The following PTBP2 variants were observed in gnomAD, a reference collection of about 807,000 sequenced individuals.
PTBP2 encodes the protein polypyrimidine tract binding protein 2, also known as polypyrimidine tract-binding protein 2.
Under a neutral mutation model 61.4 loss-of-function variants are expected in PTBP2, and 13 were observed. The observed-to-expected ratio is 0.21, with a 90% confidence interval of 0.14 to 0.34. The LOEUF (loss-of-function observed/expected upper bound fraction) is 0.34. PTBP2 is among the 10% of genes least tolerant of loss of function. The pLI is 1.00. For synonymous variants in PTBP2, 215 were observed against 218.5 expected (o/e 0.98, Z 0.14); for missense variants, 405 against 642.6 (o/e 0.63, Z 4.00).
At chr1:96,722,437 G>C (rs1449262666) in intron 1 of PTBP2, among the ~76,000 whole-genome samples, 1 of 151,984 alleles carries the variant, frequency 6.6e-6, no homozygotes, top group African/African-American at 2.4e-5. Context: ...GGAGCCGCTG[G>C]GGAAGGGGGG....
intron 7 of PTBP2, among the ~76,000 whole-genome samples, chr1:96,778,650 C>G (rs1658312338): frequency 6.6e-6 from 1 of 151,876 alleles, no homozygotes; most frequent in South Asian, 2.1e-4. Context: ...CATTATTAAG[C>G]CATTAAAAAT....
chr1:96,762,302 G>A (rs1281247810), intron 3 of PTBP2, among the ~76,000 whole-genome samples: 17 of 149,488 alleles, frequency 1.1e-4, no homozygotes, highest in Non-Finnish European at 2.2e-4. Context: ...CCCAGTAGGG[G>A]CGGCCGGGCA....
At chr1:96,774,262 C>G (rs6698118) in intron 5 of PTBP2, among the ~76,000 whole-genome samples, 40,532 of 151,924 alleles carry the variant, frequency 0.27, 6,735 homozygotes, top group East Asian at 0.44. Context: ...ACTTTCTGTT[C>G]GTCTGTTTTT....
chr1:96,777,445 TA>T, intron 5 of PTBP2, 139 bp from the exon 6 acceptor site: 1 of 587,450 alleles, frequency 1.7e-6, no homozygotes, highest in Non-Finnish European at 2.7e-6. Context: ...GGCAGGTGCT[TA>T]AAAATATCTG....
intron 7 of PTBP2, among the ~76,000 whole-genome samples, chr1:96,780,735 A>G (rs774641476): frequency 6.6e-6 from 1 of 151,968 alleles, no homozygotes; most frequent in Non-Finnish European, 1.5e-5. Context: ...CAGAGTTCAC[A>G]TCACATTTTC....
At chr1:96,792,113 G>A (rs1049035760) in intron 8 of PTBP2, among the ~76,000 whole-genome samples, 3 of 151,812 alleles carry the variant, frequency 2.0e-5, no homozygotes, top group East Asian at 1.9e-4. Flanking sequence ...CTGGGATTAC[G>A]GGCGTGAGCC....
intron 2 of PTBP2, among the ~76,000 whole-genome samples, chr1:96,736,591 T>C (rs1056235751): frequency 2.6e-5 from 4 of 152,190 alleles, no homozygotes; most frequent in Non-Finnish European, 4.4e-5. Context: ...ATGTAAAATA[T>C]CCCAAGTTTT....
intron 8 of PTBP2, among the ~76,000 whole-genome samples, chr1:96,796,746 A>G (rs956432275): frequency 2.6e-5 from 4 of 151,586 alleles, no homozygotes; most frequent in African/African-American, 9.8e-5. Context: ...TGTTGGCTCA[A>G]GCCTAAGCTT....
At chr1:96,792,916 C>T (rs1557760710) in intron 8 of PTBP2, among the ~76,000 whole-genome samples, 1 of 151,646 alleles carries the variant, frequency 6.6e-6, no homozygotes, top group African/African-American at 2.4e-5. Flanking sequence ...AAAGCTGTCC[C>T]CCAAGAAAGA....
chr1:96,753,205 G>T (rs1337968825), intron 3 of PTBP2, among the ~76,000 whole-genome samples: 1 of 152,138 alleles, frequency 6.6e-6, no homozygotes, highest in African/African-American at 2.4e-5. Context: ...CTGCTCTGGG[G>T]CTAAATGGTG....
intron 2 of PTBP2, 93 bp from the exon 3 acceptor site, chr1:96,751,332 A>G (rs769929750): frequency 1.4e-5 from 14 of 978,146 alleles, no homozygotes; most frequent in Non-Finnish European, 1.8e-5. Context: ...ACTATTCCCA[A>G]TAGTGTAACA....
chr1:96,752,462 C>T (rs945804320), intron 3 of PTBP2, among the ~76,000 whole-genome samples: 67 of 152,094 alleles, frequency 4.4e-4, no homozygotes, highest in African/African-American at 1.5e-3. Flanking sequence ...TCTGACAATT[C>T]AGTTAACTAA....
chr1:96,780,196 AAG>A (rs1023021841), intron 7 of PTBP2, among the ~76,000 whole-genome samples: 2 of 152,002 alleles, frequency 1.3e-5, no homozygotes, highest in African/African-American at 4.8e-5. Flanking sequence ...TCTGCCTGTC[AAG>A]AGACTGCACT....
chr1:96,772,290 C>G (rs768797689), intron 5 of PTBP2, among the ~76,000 whole-genome samples: 9 of 152,122 alleles, frequency 5.9e-5, no homozygotes, highest in Admixed American at 3.3e-4. Flanking sequence ...GATAATAAGC[C>G]TCTAATCATG....
intron 13 of PTBP2, 68 bp downstream of exon 13, chr1:96,813,174 G>C (rs951070403): frequency 8.4e-6 from 13 of 1,540,830 alleles, no homozygotes; most frequent in South Asian, 7.3e-5. Context: ...TGTTCTTTTC[G>C]TTTATAGAAA....
chr1:96,732,587 AAGAT>A (rs1353327454), intron 2 of PTBP2, among the ~76,000 whole-genome samples: 1 of 152,244 alleles, frequency 6.6e-6, no homozygotes, highest in Non-Finnish European at 1.5e-5. Context: ...TATCAATAAA[AAGAT>A]AAATAACAAG....
At chr1:96,733,254 C>T (rs537932458) in intron 2 of PTBP2, among the ~76,000 whole-genome samples, 2 of 152,078 alleles carry the variant, frequency 1.3e-5, no homozygotes, top group Non-Finnish European at 2.9e-5. Context: ...ATCACTCCGA[C>T]ACATTCTTGT....
At chr1:96,763,591 T>C (rs1570849415) in intron 3 of PTBP2, among the ~76,000 whole-genome samples, 1 of 19,468 alleles carries the variant, frequency 5.1e-5, no homozygotes, top group Non-Finnish European at 9.9e-5. Context: ...AGGGAGACCG[T>C]GGGGAGAGGA....
At chr1:96,751,572 CCT>C (rs1654549225) in intron 3 of PTBP2, 72 bp downstream of exon 3, 5 of 1,107,796 alleles carry the variant, frequency 4.5e-6, no homozygotes, top group African/African-American at 3.2e-5. Context: ...CAAATTTAAC[CCT>C]GTTATACCAG....
Sources: gnomAD v4.1 joint callset for allele counts (sites outside exome capture counted in the v4.1 genomes callset) on GRCh38, gnomAD v4.1.1 for gene constraint, MANE v1.5 for transcripts, NCBI Gene and HGNC (gene_info 2026-07-23, HGNC 2026-07-21) for gene names.